Variants in GPATCH2 observed in about 807,000 individuals in gnomAD.
GPATCH2 encodes the protein G patch domain-containing protein 2.
GPATCH2 carries 51 observed loss-of-function variants against 58.0 expected under a neutral mutation model. The observed-to-expected ratio is 0.88, with a 90% CI of 0.70 to 1.11. GPATCH2 has a LOEUF of 1.11. Ranked by LOEUF, GPATCH2 falls within the 50% of genes most tolerant of loss-of-function variation. The probability of loss-of-function intolerance (pLI) is 0.00; values close to 1 mark genes in which losing one functional copy is unlikely to be tolerated. For missense variants in GPATCH2, 625 were observed against 652.2 expected, an observed-to-expected ratio of 0.96 and a Z score of 0.45; for synonymous variants, 222 against 218.5, an observed-to-expected ratio of 1.02 and a Z score of -0.14.
intron 5 of GPATCH2, among the ~76,000 whole-genome samples, chr1:217,537,897 T>A (rs1664553118): frequency 1.3e-5 from 2 of 152,204 alleles, no homozygotes; most frequent in Non-Finnish European, 2.9e-5. Flanking sequence ...GATTATAATA[T>A]CTAACTACTA....
intron 1 of GPATCH2, among the ~76,000 whole-genome samples, chr1:217,622,450 T>TA (rs1308930389): frequency 6.6e-6 from 1 of 152,254 alleles, no homozygotes; most frequent in Non-Finnish European, 1.5e-5. Flanking sequence ...ACAGCTTTTT[T>TA]AAAAATGTGG....
chr1:217,447,956 G>A lies in GPATCH2; in HGVS notation c.1366+1293C>T, dbSNP rs540598136. 3.5e-4 allele frequency among the ~76,000 whole-genome samples: 53 copies of A among 152,074 alleles called. 1 individual carries two copies. The South Asian group carries it at 9.8e-3, about 28-fold the overall frequency. ...CTACTAAAAATACAAAAATTAGCTG[G>A]GCATGGTGGTGGGCGCCCATAATCC... On this transcript the variant is annotated intron_variant, in intron 9 of 9. Coordinates refer to ENST00000366935, the MANE Select transcript of GPATCH2 (RefSeq NM_018040.5).
chr1:217,526,461 A>C (rs10458467), intron 5 of GPATCH2, among the ~76,000 whole-genome samples: 88,257 of 152,054 alleles, frequency 0.58, 26,780 homozygotes, highest in East Asian at 0.84. Context: ...AACATATTGC[A>C]AACTATTCTT....
chr1:217,575,604 T>C (rs17046617), intron 5 of GPATCH2, among the ~76,000 whole-genome samples: 5,035 of 152,204 alleles, frequency 0.033, 110 homozygotes, highest in East Asian at 0.1. Context: ...TCCAAACAAA[T>C]AAATGGCAGT....
intron 8 of GPATCH2, among the ~76,000 whole-genome samples, chr1:217,470,743 A>G (rs1660689381): frequency 6.6e-6 from 1 of 152,144 alleles, no homozygotes; most frequent in African/African-American, 2.4e-5. Context: ...AAACCATTTT[A>G]TGTTGTATAT....
chr1:217,476,647 C>T (rs879934788), intron 8 of GPATCH2, among the ~76,000 whole-genome samples: 2 of 152,134 alleles, frequency 1.3e-5, no homozygotes, highest in Admixed American at 1.3e-4. Context: ...CGGAACCAAA[C>T]TCAGCTGACG....
chr1:217,518,104 G>C (rs762050654), intron 5 of GPATCH2, among the ~76,000 whole-genome samples: 33 of 151,990 alleles, frequency 2.2e-4, no homozygotes, highest in South Asian at 1.2e-3. Context: ...CTTTTTATTA[G>C]ACGCTTATCA....
At chr1:217,614,601 C>T (rs1020540365) in intron 2 of GPATCH2, among the ~76,000 whole-genome samples, 1 of 152,024 alleles carries the variant, frequency 6.6e-6, no homozygotes, top group African/African-American at 2.4e-5. Context: ...CTAAGCCTTT[C>T]CTCAGCACAT....
intron 8 of GPATCH2, among the ~76,000 whole-genome samples, chr1:217,484,728 G>A (rs1262741883): frequency 6.7e-6 from 1 of 150,256 alleles, no homozygotes; most frequent in Non-Finnish European, 1.5e-5. Context: ...GGTGATATAT[G>A]TGCATATGTA....
rs528990064 is a variant in GPATCH2, at chr1:217,575,826, T to C, written c.1098+34495A>G. Among the ~76,000 whole-genome samples the C allele has an allele frequency of 3.9e-5, 6 of 152,298 alleles. 1 individual carries two copies. The South Asian group carries it at 1.2e-3, about 32-fold the overall frequency. On this transcript the variant is annotated intron_variant, in intron 5 of 9. Coordinates refer to ENST00000366935, the MANE Select transcript of GPATCH2 (RefSeq NM_018040.5). ...CTATAAAAGTTCATTTCTGTAAGTG[T>C]TAAAAGCTAATAGCTTCATTTTTTA...
intron 5 of GPATCH2, among the ~76,000 whole-genome samples, chr1:217,529,400 C>A (rs1664077008): frequency 6.6e-6 from 1 of 152,148 alleles, no homozygotes; most frequent in African/African-American, 2.4e-5. Flanking sequence ...GTAGTGAGTT[C>A]TCCTGCTGGA....
chr1:217,428,988 CCTCAGGAGTGTGGAACCAGG>C lies in GPATCH2; in HGVS notation c.*2137_*2156del, dbSNP rs1658418989. 6.6e-6 allele frequency: 1 copy of C among 152,088 alleles called. No homozygotes were observed. 9.4% of individuals were successfully genotyped at this position (152,088 alleles called of 1,614,324 possible). A position where few individuals can be genotyped will look rare whatever the true frequency, so the allele number is the denominator to read the frequency against. ...ATAAGGTGAAAAAGAACAGCCAAGT[CCTCAGGAGTGTGGAACCAGG>C]CTAACAATGACCTCATTGTTTGCTC... On this transcript the variant is annotated 3_prime_UTR_variant, in exon 10 of 10. Transcript: ENST00000366935.
intron 9 of GPATCH2, among the ~76,000 whole-genome samples, chr1:217,432,024 T>C (rs979610725): frequency 2.0e-5 from 3 of 151,766 alleles, no homozygotes; most frequent in African/African-American, 7.3e-5. Flanking sequence ...AGAAAGAAAA[T>C]AGAGGAAAAT....
At chr1:217,609,974 T>G (rs1480019711) in intron 5 of GPATCH2, 4 of 1,326,944 alleles carry the variant, frequency 3.0e-6, no homozygotes, top group South Asian at 4.5e-5. Flanking sequence ...GCCTCCCCAG[T>G]CAGGTTCACT....
intron 5 of GPATCH2, among the ~76,000 whole-genome samples, chr1:217,553,241 C>G (rs1277162047): frequency 6.6e-6 from 1 of 151,984 alleles, no homozygotes; most frequent in Non-Finnish European, 1.5e-5. Context: ...AATCAGCTAC[C>G]TATCAGTAGC....
intron 8 of GPATCH2, among the ~76,000 whole-genome samples, chr1:217,486,580 G>A (rs552341291): frequency 4.6e-5 from 7 of 152,180 alleles, no homozygotes; most frequent in African/African-American, 1.4e-4. Flanking sequence ...TGATCCTCCC[G>A]CCTTGGCCTT....
chr1:217,430,976 G>A lies in GPATCH2; in HGVS notation c.*169C>T, dbSNP rs1326694175. On this transcript the variant is annotated 3_prime_UTR_variant, in exon 10 of 10. Transcript: ENST00000366935. ...TTTTCATTTTAGCACCATGAATTGT[G>A]ATGAAATCCCATTTCTCTCACTATG... 1.6e-6 allele frequency: 1 copy of A among 609,958 alleles called. No individual in the cohort carries two copies. Among genetic ancestry groups the A allele is most frequent in the Non-Finnish European group, 2.9e-6 (1 of 341,154 alleles). 37.8% of individuals were successfully genotyped at this position (609,958 alleles called of 1,614,324 possible).
At chr1:217,607,247 T>C (rs1668404493) in intron 5 of GPATCH2, among the ~76,000 whole-genome samples, 1 of 152,176 alleles carries the variant, frequency 6.6e-6, no homozygotes, top group Admixed American at 6.5e-5. Context: ...AAATGTTGAG[T>C]TGCCCGACAT....
At chr1:217,450,338 GA>G (rs1291675849) in intron 8 of GPATCH2, among the ~76,000 whole-genome samples, 2 of 151,234 alleles carry the variant, frequency 1.3e-5, no homozygotes, top group African/African-American at 4.9e-5. Flanking sequence ...TTATTAGGAA[GA>G]AAAAAAGGGA....
Sources: gnomAD v4.1 joint callset for allele counts (sites outside exome capture counted in the v4.1 genomes callset) on GRCh38, gnomAD v4.1.1 for gene constraint, MANE v1.5 for transcripts, NCBI Gene and HGNC (gene_info 2026-07-23, HGNC 2026-07-21) for gene names.